Variants in RPL28 observed in about 807,000 individuals in gnomAD.
The protein encoded by RPL28 is ribosomal protein L28.
Under a neutral mutation model 12.5 loss-of-function variants are expected in RPL28, and 4 were observed. The ratio of observed to expected loss-of-function variants is 0.32; its 90% confidence interval spans 0.16 to 0.73. The LOEUF (loss-of-function observed/expected upper bound fraction) is 0.73. Among genes scored for constraint, RPL28 ranks in the 30% least tolerant of loss-of-function variants. RPL28 has a pLI of 0.66. For synonymous variants in RPL28, 91 were observed against 72.5 expected, an observed-to-expected ratio of 1.26 and a Z score of -1.30; for missense variants, 214 against 197.7, an observed-to-expected ratio of 1.08 and a Z score of -0.49.
chr19:55,402,776 A>G (rs2090070198), intron 4 of RPL28, among the ~76,000 whole-genome samples: 1 of 151,842 alleles, frequency 6.6e-6, no homozygotes, highest in African/African-American at 2.4e-5. Context: ...CTCCAATGAC[A>G]CCCCAGGGGA....
chr19:55,398,990 G>A (rs1327417086), intron 4 of RPL28, among the ~76,000 whole-genome samples: 4 of 151,482 alleles, frequency 2.6e-5, no homozygotes, highest in Admixed American at 6.6e-5. Flanking sequence ...GTGAACCACC[G>A]TGCCCGGTTT....
At chr19:55,400,398 C>A (rs1451340947) in intron 4 of RPL28, 1 of 152,150 alleles carries the variant, frequency 6.6e-6, no homozygotes, top group Non-Finnish European at 1.5e-5. Context: ...TTCCCCACCC[C>A]CTGGTGTGCA....
rs1299559118 is a variant in RPL28, at chr19:55,391,787, A to G, written c.*3455A>G. ...TTTTATAAATATTTTGATCAGATGG[A>G]CTCATGATCACAGATGTCTTCACAT... On this transcript the variant is annotated 3_prime_UTR_variant, in exon 5 of 5. Transcript: ENST00000344063. 2.7e-6 allele frequency: 3 copies of G among 1,110,324 alleles called. No homozygotes were observed. In the African/African-American group the frequency reaches 1.1e-4, roughly 42 times the overall value. The allele number at this position is 1,110,324 out of a possible 1,614,324, so 68.8% of individuals were successfully genotyped here. A position where few individuals can be genotyped will look rare whatever the true frequency, so the allele number is the denominator to read the frequency against.
At position 55,386,613 on chromosome 19, in the gene RPL28, G is replaced by C. The variant is rs922174843; in HGVS notation, c.125G>C (p.Gly42Ala). 6.2e-7 allele frequency: 1 copy of C among 1,613,488 alleles called. No individual in the cohort carries two copies. ...LKARNSFRYNGLIHRKTVGVE... is the reference protein window; with the variant it reads ...LKARNSFRYNALIHRKTVGVE... ...GCCCGCAATTCCTTCCGCTACAACG[G>C]ACTGATTCACCGCAAGACTGTGGGC... The change falls in exon 3 of 5, where the codon GGA becomes GCA. Residue 42 changes from glycine to alanine, a missense_variant. Coordinates refer to ENST00000344063, the MANE Select transcript of RPL28 (RefSeq NM_000991.5).
downstream of RPL28, among the ~76,000 whole-genome samples, chr19:55,395,988 T>C (rs907029512): frequency 2.0e-5 from 3 of 152,112 alleles, no homozygotes; most frequent in Non-Finnish European, 2.9e-5. Flanking sequence ...GACTTAACAG[T>C]AACCTTTGTC....
At chr19:55,387,576 G>A in intron 3 of RPL28, 1 of 1,419,990 alleles carries the variant, frequency 7.0e-7, no homozygotes, top group Middle Eastern at 2.6e-4. Flanking sequence ...GTGGGGATGG[G>A]CCTGGGGTTC....
chr19:55,391,570 C>G lies in RPL28; in HGVS notation c.*3238C>G. 1.3e-6 allele frequency: 2 copies of G among 1,539,926 alleles called. No homozygotes were observed. Among genetic ancestry groups the G allele is most frequent in the Middle Eastern group, 1.7e-4 (1 of 5,936 alleles). On this transcript the variant is annotated 3_prime_UTR_variant, in exon 5 of 5. Coordinates refer to ENST00000344063, the MANE Select transcript of RPL28 (RefSeq NM_000991.5). ...TGTTCACAGGACATGCTGGCATCTA[C>G]TGGGTCAGGGCTCTGCTGCTCGGTG...
At chr19:55,395,472 C>G (rs1381587349), downstream of RPL28, among the ~76,000 whole-genome samples, 1 of 136,768 alleles carries the variant, frequency 7.3e-6, no homozygotes, top group Non-Finnish European at 1.5e-5. Context: ...GACAGAGTCT[C>G]TTGCACTCTC....
rs1289733655 is a variant in RPL28 at position 55,391,769 on chromosome 19, A to T, written c.*3437A>T. ...AGGAATAAATTAATGACTTTTTATA[A>T]ATATTTTGATCAGATGGACTCATGA... On this transcript the variant is annotated 3_prime_UTR_variant, in exon 5 of 5. Transcript: ENST00000344063. 6.9e-7 allele frequency: 1 copy of T among 1,448,530 alleles called. No individual in the cohort carries two copies. The highest frequency in any genetic ancestry group is 2.4e-5 in the Admixed American group (1 of 41,418). The allele number at this position is 1,448,530 out of a possible 1,614,324, so 89.7% of individuals were successfully genotyped here. A position where few individuals can be genotyped will look rare whatever the true frequency, so the allele number is the denominator to read the frequency against.
At chr19:55,401,745 C>T (rs1217131846) in intron 4 of RPL28, 1 of 1,613,294 alleles carries the variant, frequency 6.2e-7, no homozygotes, top group South Asian at 1.1e-5. Context: ...TAGGGTGGAT[C>T]AGCAGGCACT....
rs528349328 is a variant in RPL28 at position 55,388,167 on chromosome 19, C to T, written c.325-76C>T. The T allele has an allele frequency of 3.9e-6, 6 of 1,545,476 alleles. No individual in the cohort carries two copies. The East Asian group carries it at 1.4e-4, about 36-fold the overall frequency. ...ATGGATTCTTGCTTTCAGCCTACTC[C>T]CCACACCCAGCATTGGCCTAGGGGG... On this transcript the variant is annotated intron_variant, in intron 4 of 4. Coordinates refer to ENST00000344063, the MANE Select transcript of RPL28 (RefSeq NM_000991.5).
chr19:55,392,206 A>G, downstream of RPL28: 1 of 685,828 alleles, frequency 1.5e-6, no homozygotes, highest in Non-Finnish European at 1.8e-6. Flanking sequence ...TCCTTTTTGG[A>G]AACTTCACAC....
rs10425596 is a variant in RPL28, at chr19:55,389,731, T to G, written c.*1399T>G. The G allele has an allele frequency of 1.5e-5, 15 of 985,450 alleles. No homozygotes were observed. The highest frequency in any genetic ancestry group is 1.8e-5 in the Non-Finnish European group (15 of 830,060). 61.0% of individuals were successfully genotyped at this position (985,450 alleles called of 1,614,324 possible). On this transcript the variant is annotated 3_prime_UTR_variant, in exon 5 of 5. Transcript: ENST00000344063. ...GTCTGCTGTGAATTACCATTTCCTTTGTCCTTCCCTTAGTTGGGTCTATTA... is the reference window on the plus strand; with the variant it reads ...GTCTGCTGTGAATTACCATTTCCTTGGTCCTTCCCTTAGTTGGGTCTATTA...
In RPL28 at chr19:55,391,593, G is replaced by GTGC; in HGVS notation, c.*3263_*3264insCTG. 1 of 1,549,008 alleles carries GTGC rather than the reference G, an allele frequency of 6.5e-7. No homozygotes were observed. Among genetic ancestry groups the GTGC allele is most frequent in the Non-Finnish European group, 8.7e-7 (1 of 1,144,724 alleles). ...TACTGGGTCAGGGCTCTGCTGCTCG[G>GTGC]TGGCTGTGCAACCTTGGGCAAGTTC... On this transcript the variant is annotated 3_prime_UTR_variant, in exon 5 of 5. Transcript: ENST00000344063.
chr19:55,392,821 G>A (rs377614726), downstream of RPL28, among the ~76,000 whole-genome samples: 1 of 151,760 alleles, frequency 6.6e-6, no homozygotes, highest in South Asian at 2.1e-4. Context: ...GAGCCACCGC[G>A]TCCGGCCCCA....
At chr19:55,401,544 G>A in intron 4 of RPL28, 1 of 1,610,446 alleles carries the variant, frequency 6.2e-7, no homozygotes, top group South Asian at 1.1e-5. Context: ...CCCCTCCCGG[G>A]CCCCCTGGGG....
intron 4 of RPL28, among the ~76,000 whole-genome samples, chr19:55,397,246 A>T (rs575719524): frequency 6.6e-6 from 1 of 152,122 alleles, no homozygotes; most frequent in Non-Finnish European, 1.5e-5. Flanking sequence ...ATTTTTGCCT[A>T]TTTTTGAATT....
At chr19:55,386,201 G>A in intron 1 of RPL28, 149 bp from the exon 2 acceptor site, 1 of 688,448 alleles carries the variant, frequency 1.5e-6, no homozygotes, top group Non-Finnish European at 2.5e-6. Flanking sequence ...CGCCTGACAA[G>A]AGTTCTAGGT....
In RPL28 at chr19:55,388,578, G is replaced by A; in HGVS notation, c.*246G>A. 8.0e-7 allele frequency: 1 copy of A among 1,249,720 alleles called. No homozygotes were observed. The allele number at this position is 1,249,720 out of a possible 1,614,324, so 77.4% of individuals were successfully genotyped here. On this transcript the variant is annotated 3_prime_UTR_variant, in exon 5 of 5. Coordinates refer to ENST00000344063, the MANE Select transcript of RPL28 (RefSeq NM_000991.5). The stretch of plus-strand genomic sequence containing the variant: ...ACTGTCTTCACAGAAAAAGTTTGCT[G>A]ACTTGTGATTGAGACCTACTGTCCC...
Sources: gnomAD v4.1 joint callset for allele counts (sites outside exome capture counted in the v4.1 genomes callset) on GRCh38, gnomAD v4.1.1 for gene constraint, MANE v1.5 for transcripts, NCBI Gene and HGNC (gene_info 2026-07-23, HGNC 2026-07-21) for gene names.